The following TTC28 variants were observed in gnomAD, a reference collection of about 807,000 sequenced individuals.
TTC28 encodes the protein tetratricopeptide repeat domain 28, also known as tetratricopeptide repeat protein 28.
In TTC28, 61 loss-of-function variants were observed where a neutral mutation model predicts 198.0. That is an observed-to-expected ratio of 0.31 (90% CI 0.25 to 0.38). The LOEUF (loss-of-function observed/expected upper bound fraction) is 0.38, where lower values mean the gene tolerates loss of function less well. TTC28 is among the 10% of genes least tolerant of loss of function. TTC28 has a pLI of 1.00. For missense variants in TTC28, 2,678 were observed against 3,164.0 expected (o/e 0.85, Z 3.69); for synonymous variants, 1,171 against 1,297.8 (o/e 0.90, Z 2.10).
intron 2 of TTC28, among the ~76,000 whole-genome samples, chr22:28,365,897 G>A (rs2046239239): frequency 6.6e-6 from 1 of 152,134 alleles, no homozygotes; most frequent in South Asian, 2.1e-4. Flanking sequence ...AAAAAATGAT[G>A]TGCAAAAAGA....
rs1932157816 is a variant in TTC28, at chr22:28,272,519, C to T, written c.933+23679G>A. On this transcript the variant is annotated intron_variant, in intron 5 of 22. Coordinates refer to ENST00000397906, the MANE Select transcript of TTC28 (RefSeq NM_001145418.2). ...GTGCTCTCTAAGATCCTTATCTGAT[C>T]CAAAAGGTGTAATTCTAAACAAATA... 2.0e-5 allele frequency among the ~76,000 whole-genome samples: 3 copies of T among 152,152 alleles called. No individual in the cohort carries two copies. In the South Asian group the frequency reaches 6.2e-4, roughly 32 times the overall value.
intron 2 of TTC28, among the ~76,000 whole-genome samples, chr22:28,394,173 G>A (rs902113369): frequency 2.6e-5 from 4 of 152,186 alleles, no homozygotes; most frequent in Admixed American, 2.6e-4. Context: ...AAGCCCTTGT[G>A]TTCTGGGTAC....
intron 2 of TTC28, among the ~76,000 whole-genome samples, chr22:28,554,236 C>T (rs1373636416): frequency 1.3e-5 from 2 of 151,868 alleles, no homozygotes; most frequent in Admixed American, 6.6e-5. Context: ...ACAAACACTG[C>T]GGAAGGCCGC....
intron 21 of TTC28, chr22:27,986,376 C>T (rs763726589): frequency 6.6e-6 from 1 of 152,248 alleles, no homozygotes; most frequent in Non-Finnish European, 1.5e-5. Context: ...AATTAAACTT[C>T]CTTTCTTTAT....
At chr22:28,464,040 C>A (rs2146284719) in intron 2 of TTC28, among the ~76,000 whole-genome samples, 2 of 152,204 alleles carry the variant, frequency 1.3e-5, no homozygotes, top group East Asian at 3.9e-4. Flanking sequence ...TGGATACCTG[C>A]CAATGTCAAC....
rs1313506727 is a variant in TTC28, at chr22:28,163,553, A to G, written c.980T>C (p.Ile327Thr). The stretch of plus-strand genomic sequence containing the variant: ...GGCCAGTGCATTGGGGTAGTCTCCA[A>G]TGGCTGTGTACACGTGGCCCAGACT... ...LSSLGHVYTAIGDYPNALASH... is the reference protein window; with the variant it reads ...LSSLGHVYTATGDYPNALASH... The change falls in exon 6 of 23, where the codon ATT becomes ACT. Residue 327 changes from isoleucine to threonine, a missense_variant. This residue lies in a region of TTC28 where 775 missense variants were observed against 845.9 expected (regional missense o/e 0.92). Coordinates refer to ENST00000397906, the MANE Select transcript of TTC28 (RefSeq NM_001145418.2). The G allele has an allele frequency of 1.3e-6, 2 of 1,551,344 alleles. No individual in the cohort carries two copies. The highest frequency in any genetic ancestry group is 3.9e-5 in the Admixed American group (2 of 51,002).
chr22:28,577,328 G>A (rs1163422832), intron 2 of TTC28, among the ~76,000 whole-genome samples: 1 of 152,054 alleles, frequency 6.6e-6, no homozygotes, highest in Non-Finnish European at 1.5e-5. Flanking sequence ...TGTGCTCAGA[G>A]AAGATACTTG....
intron 3 of TTC28, among the ~76,000 whole-genome samples, chr22:28,302,039 AAATAATAAT>A (rs10656307): frequency 6.9e-5 from 10 of 145,608 alleles, no homozygotes; most frequent in East Asian, 4.0e-4. Context: ...TCCTGTCTCA[AAATAATAAT>A]AATAATAATA....
intron 9 of TTC28, among the ~76,000 whole-genome samples, chr22:28,100,074 T>C (rs192067051): frequency 1.3e-5 from 2 of 152,252 alleles, no homozygotes; most frequent in Admixed American, 6.5e-5. Flanking sequence ...TCCTTTTTTT[T>C]CCCCCTCATG....
At chr22:28,065,481 T>A in intron 12 of TTC28, among the ~76,000 whole-genome samples, 1 of 152,036 alleles carries the variant, frequency 6.6e-6, no homozygotes, top group East Asian at 1.9e-4. Context: ...CCAACAAGAG[T>A]TAGGCATGCT....
intron 2 of TTC28, among the ~76,000 whole-genome samples, chr22:28,591,332 G>A (rs1481879331): frequency 6.6e-6 from 1 of 151,324 alleles, no homozygotes; most frequent in African/African-American, 2.4e-5. Flanking sequence ...AGGCTGAAAA[G>A]TGTCCTTAAT....
rs2050205687 is a variant in TTC28, at chr22:28,579,642, G to A, written c.381+49910C>T. On this transcript the variant is annotated intron_variant, in intron 2 of 22. Coordinates refer to ENST00000397906, the MANE Select transcript of TTC28 (RefSeq NM_001145418.2). ...CATATACAAATGTGTGTGTGTGTGTGTGTGTATAAATACACATATATACAC... is the reference window on the plus strand; with the variant it reads ...CATATACAAATGTGTGTGTGTGTGTATGTGTATAAATACACATATATACAC... Among the ~76,000 whole-genome samples the A allele has an allele frequency of 2.0e-5, 3 of 151,576 alleles. No homozygotes were observed. The Middle Eastern group carries it at 0.01, about 523-fold the overall frequency.
intron 2 of TTC28, among the ~76,000 whole-genome samples, chr22:28,512,433 C>T (rs2048702076): frequency 6.6e-6 from 1 of 152,000 alleles, no homozygotes; most frequent in African/African-American, 2.4e-5. Flanking sequence ...GGGTACATAC[C>T]CAAAGGAATA....
intron 8 of TTC28, 125 bp from the exon 9 acceptor site, chr22:28,101,405 C>T (rs1942148287): frequency 2.5e-6 from 2 of 792,696 alleles, no homozygotes; most frequent in Non-Finnish European, 4.0e-6. Flanking sequence ...TCACTCTGTT[C>T]CCCAGACTGG....
intron 12 of TTC28, among the ~76,000 whole-genome samples, chr22:28,088,295 G>A (rs1343113271): frequency 1.3e-5 from 2 of 152,066 alleles, no homozygotes; most frequent in Non-Finnish European, 2.9e-5. Context: ...AAACAGCATG[G>A]TACTGGTACC....
chr22:28,060,974 G>T (rs180731089), intron 12 of TTC28, among the ~76,000 whole-genome samples: 7 of 152,250 alleles, frequency 4.6e-5, no homozygotes, highest in East Asian at 1.9e-4. Flanking sequence ...TGGCCAGTGA[G>T]GATGAGCATT....
chr22:28,557,622 C>G (rs1258570406), intron 2 of TTC28, among the ~76,000 whole-genome samples: 1 of 152,142 alleles, frequency 6.6e-6, no homozygotes, highest in Admixed American at 6.5e-5. Context: ...TATTCTATAC[C>G]TGATCCCTTC....
rs34448246 is a variant in TTC28, at chr22:28,426,211, CAAAAAAAAAAA to C, written c.382-119579_382-119569del. On this transcript the variant is annotated intron_variant, in intron 2 of 22. Transcript: ENST00000397906. ...TGGGTGACAGAGTGAGACTCCACGTCAAAAAAAAAAAAAAAAAAAAGAAAGAAAGAAAATTC... is the reference window on the plus strand; with the variant it reads ...TGGGTGACAGAGTGAGACTCCACGTCAAAAAAAAAGAAAGAAAGAAAATTC... Among the ~76,000 whole-genome samples, 3 of 85,674 alleles carry C rather than the reference CAAAAAAAAAAA, an allele frequency of 3.5e-5. No individual in the cohort carries two copies. In the East Asian group the frequency reaches 1.2e-3, roughly 33 times the overall value. 56.2% of individuals were successfully genotyped at this position (85,674 alleles called of 152,430 possible). A position where few individuals can be genotyped will look rare whatever the true frequency, so the allele number is the denominator to read the frequency against.
chr22:28,585,283 A>T (rs2050297596), intron 2 of TTC28, among the ~76,000 whole-genome samples: 1 of 152,182 alleles, frequency 6.6e-6, no homozygotes, highest in Non-Finnish European at 1.5e-5. Context: ...CATAATGTAG[A>T]ATCAGTGGGA....
Sources: gnomAD v4.1 joint callset for allele counts (sites outside exome capture counted in the v4.1 genomes callset) on GRCh38, gnomAD v4.1.1 for gene constraint, gnomAD v4.1.1 regional missense constraint, MANE v1.5 for transcripts, NCBI Gene and HGNC (gene_info 2026-07-23, HGNC 2026-07-21) for gene names.